TMEM163: variants seen among roughly 807,000 people sequenced by gnomAD.
TMEM163 encodes the protein transmembrane protein 163.
In TMEM163, 17 loss-of-function variants were observed where a neutral mutation model predicts 29.3. That is an observed-to-expected ratio of 0.58 (90% CI 0.40 to 0.87). TMEM163 has a LOEUF of 0.87. Ranked by LOEUF, TMEM163 falls within the 40% of genes least tolerant of loss-of-function variation. The pLI, the probability that TMEM163 is intolerant of heterozygous loss-of-function variation, is 0.00. For synonymous variants in TMEM163, 157 were observed against 160.6 expected (o/e 0.98, Z 0.17); for missense variants, 303 against 381.5 (o/e 0.79, Z 1.71).
chr2:134,628,684 G>T (rs928580407), intron 2 of TMEM163, among the ~76,000 whole-genome samples: 1 of 152,238 alleles, frequency 6.6e-6, no homozygotes, highest in Non-Finnish European at 1.5e-5. Context: ...TCCATGTGAC[G>T]TAACTGGGAG....
intron 2 of TMEM163, among the ~76,000 whole-genome samples, chr2:134,567,162 C>T (rs1399661478): frequency 2.0e-5 from 3 of 152,202 alleles, no homozygotes; most frequent in East Asian, 1.9e-4. Context: ...ATTTCTGAGG[C>T]GGGAGATAGG....
chr2:134,459,356 T>TCAGG (rs1686476937), intron 6 of TMEM163: 2 of 113,378 alleles, frequency 1.8e-5, no homozygotes, highest in Non-Finnish European at 3.5e-5. Context: ...TCCCCTGTGC[T>TCAGG]CAGGACACCG....
chr2:134,655,892 G>T lies in TMEM163; in HGVS notation c.322+57308C>A, dbSNP rs927111489. ...AGGGGTCAGGGACCCACTTGAGGAG[G>T]CAGTCTGCCCGTTCTCAGATCTCCA... On this transcript the variant is annotated intron_variant, in intron 2 of 7. Transcript: ENST00000281924. Among the ~76,000 whole-genome samples the T allele has an allele frequency of 1.8e-4, 26 of 142,008 alleles. 2 individuals are homozygous for T. Among genetic ancestry groups the T allele is most frequent in the South Asian group, 4.5e-4 (2 of 4,410 alleles). 93.2% of individuals were successfully genotyped at this position (142,008 alleles called of 152,430 possible).
At chr2:134,534,970 C>A (rs1200525313) in intron 4 of TMEM163, among the ~76,000 whole-genome samples, 1 of 152,012 alleles carries the variant, frequency 6.6e-6, no homozygotes, top group Non-Finnish European at 1.5e-5. Flanking sequence ...GATACAGGGG[C>A]CTGAATGTCT....
At chr2:134,713,610 A>C in intron 1 of TMEM163, 1 of 542,778 alleles carries the variant, frequency 1.8e-6, no homozygotes. Flanking sequence ...GACATACCAC[A>C]CCAGGCCATT....
chr2:134,682,149 A>G (rs1684260988), intron 2 of TMEM163, among the ~76,000 whole-genome samples: 1 of 152,206 alleles, frequency 6.6e-6, no homozygotes, highest in South Asian at 2.1e-4. Flanking sequence ...GGCATGGTAC[A>G]TGGCTACTGC....
intron 2 of TMEM163, among the ~76,000 whole-genome samples, chr2:134,683,003 A>C (rs1459897569): frequency 6.6e-6 from 1 of 152,214 alleles, no homozygotes; most frequent in Non-Finnish European, 1.5e-5. Context: ...TGCAAAGAGA[A>C]AGAAGCCAAA....
intron 2 of TMEM163, among the ~76,000 whole-genome samples, chr2:134,707,373 G>C (rs73958795): frequency 0.013 from 1,923 of 152,308 alleles, 37 homozygotes; most frequent in African/African-American, 0.042. Context: ...GAACAATTAA[G>C]ACACTGGTAA....
intron 4 of TMEM163, among the ~76,000 whole-genome samples, chr2:134,529,028 T>G (rs956456142): frequency 6.6e-6 from 1 of 152,104 alleles, no homozygotes; most frequent in African/African-American, 2.4e-5. Flanking sequence ...TAGCTCAGCT[T>G]TATAAAAATG....
chr2:134,573,519 C>T (rs565456050), intron 2 of TMEM163, among the ~76,000 whole-genome samples: 1 of 152,252 alleles, frequency 6.6e-6, no homozygotes, highest in East Asian at 1.9e-4. Context: ...AAACAGCCTA[C>T]AAGGTACAGG....
At chr2:134,477,971 C>A (rs1193094048) in intron 5 of TMEM163, among the ~76,000 whole-genome samples, 1 of 152,164 alleles carries the variant, frequency 6.6e-6, no homozygotes, top group African/African-American at 2.4e-5. Context: ...GGGGGCAGAT[C>A]CCTCATGAAT....
At chr2:134,522,868 A>G (rs990773777) in intron 4 of TMEM163, among the ~76,000 whole-genome samples, 1 of 152,208 alleles carries the variant, frequency 6.6e-6, no homozygotes, top group African/African-American at 2.4e-5. Flanking sequence ...GCGGGGGGAA[A>G]AAGATCGAAT....
intron 2 of TMEM163, among the ~76,000 whole-genome samples, chr2:134,599,695 T>A (rs886994656): frequency 1.4e-5 from 2 of 140,526 alleles, no homozygotes; most frequent in African/African-American, 5.6e-5. Context: ...AACTTTATCT[T>A]TTTTTTTTTT....
chr2:134,698,032 C>T (rs940906283), intron 2 of TMEM163, among the ~76,000 whole-genome samples: 1 of 152,196 alleles, frequency 6.6e-6, no homozygotes, highest in Admixed American at 6.5e-5. Context: ...AAAGCCACTG[C>T]TGGCCTAGAT....
chr2:134,459,805 G>A (rs1033080986), intron 6 of TMEM163, among the ~76,000 whole-genome samples: 3 of 151,374 alleles, frequency 2.0e-5, no homozygotes, highest in African/African-American at 7.3e-5. Context: ...CCACCTGAGT[G>A]TCCCAGGCTC....
At chr2:134,693,466 G>A (rs985977971) in intron 2 of TMEM163, among the ~76,000 whole-genome samples, 2 of 152,012 alleles carry the variant, frequency 1.3e-5, no homozygotes, top group Non-Finnish European at 2.9e-5. Flanking sequence ...AAAATTAGCC[G>A]GGCATGGAAG....
At chr2:134,626,094 C>CTTTTTT (rs146008537) in intron 2 of TMEM163, among the ~76,000 whole-genome samples, 2 of 66,256 alleles carry the variant, frequency 3.0e-5, no homozygotes, top group Non-Finnish European at 5.8e-5. Context: ...ACTTTTCCAG[C>CTTTTTT]TTTTTTTTTT....
intron 2 of TMEM163, among the ~76,000 whole-genome samples, chr2:134,609,940 A>T (rs1027976931): frequency 6.6e-6 from 1 of 152,004 alleles, no homozygotes; most frequent in Non-Finnish European, 1.5e-5. Context: ...GGGCTGAGGA[A>T]AGGTTTTACG....
chr2:134,683,927 G>A (rs779825895), intron 2 of TMEM163, among the ~76,000 whole-genome samples: 3 of 152,122 alleles, frequency 2.0e-5, no homozygotes, highest in Non-Finnish European at 4.4e-5. Context: ...TCAATTTATA[G>A]AGGCCTCTGA....
Sources: gnomAD v4.1 joint callset for allele counts (sites outside exome capture counted in the v4.1 genomes callset) on GRCh38, gnomAD v4.1.1 for gene constraint, MANE v1.5 for transcripts, NCBI Gene and HGNC (gene_info 2026-07-23, HGNC 2026-07-21) for gene names.